The following GPC5 variants were observed in gnomAD, a reference collection of about 807,000 sequenced individuals.
The protein encoded by GPC5 is glypican 5.
In GPC5, 47 loss-of-function variants were observed where a neutral mutation model predicts 53.9. The observed-to-expected ratio is 0.87, with a 90% CI of 0.69 to 1.11. GPC5 has a LOEUF of 1.11. GPC5 is among the 50% of genes most tolerant of loss of function. GPC5 has a pLI of 0.00. For missense variants in GPC5, 748 were observed against 713.1 expected, an observed-to-expected ratio of 1.05 and a Z score of -0.56; for synonymous variants, 286 against 263.3, an observed-to-expected ratio of 1.09 and a Z score of -0.84.
intron 7 of GPC5, among the ~76,000 whole-genome samples, chr13:92,164,393 A>G (rs1167221781): frequency 3.3e-5 from 5 of 152,178 alleles, no homozygotes; most frequent in Non-Finnish European, 7.4e-5. Flanking sequence ...ATTGGCCAAA[A>G]TGAAGGGGCT....
At chr13:92,106,844 C>A (rs918829125) in intron 6 of GPC5, among the ~76,000 whole-genome samples, 5 of 151,956 alleles carry the variant, frequency 3.3e-5, no homozygotes, top group African/African-American at 1.2e-4. Context: ...ATATTGAATG[C>A]CTGCATAAAA....
At chr13:91,578,080 T>C (rs2032205505) in intron 2 of GPC5, among the ~76,000 whole-genome samples, 1 of 152,180 alleles carries the variant, frequency 6.6e-6, no homozygotes, top group Non-Finnish European at 1.5e-5. Context: ...GTAAGGATGC[T>C]CAAGCAGTGA....
chr13:92,659,673 G>T (rs1173628871), intron 7 of GPC5, among the ~76,000 whole-genome samples: 1 of 152,114 alleles, frequency 6.6e-6, no homozygotes, highest in African/African-American at 2.4e-5. Flanking sequence ...CATTTTTGGT[G>T]CAATTACTTC....
chr13:92,084,689 A>T, intron 6 of GPC5, among the ~76,000 whole-genome samples: 1 of 152,186 alleles, frequency 6.6e-6, no homozygotes, highest in Non-Finnish European at 1.5e-5. Flanking sequence ...TGTTGTCAGG[A>T]TTAATATAAT....
At chr13:91,742,930 TA>T (rs1201777819) in intron 4 of GPC5, among the ~76,000 whole-genome samples, 1 of 152,154 alleles carries the variant, frequency 6.6e-6, no homozygotes, top group East Asian at 1.9e-4. Context: ...TAGACATGGC[TA>T]GAAATTGGAC....
At chr13:91,937,966 G>A (rs879393848) in intron 6 of GPC5, among the ~76,000 whole-genome samples, 1 of 151,988 alleles carries the variant, frequency 6.6e-6, no homozygotes, top group Non-Finnish European at 1.5e-5. Flanking sequence ...TCCCCTATAT[G>A]TATTTGAATA....
At chr13:92,296,679 G>A (rs966873516) in intron 7 of GPC5, among the ~76,000 whole-genome samples, 10 of 152,172 alleles carry the variant, frequency 6.6e-5, no homozygotes, top group African/African-American at 1.9e-4. Flanking sequence ...AGGCGCGAGC[G>A]GGAACCGGGG....
At chr13:92,337,876 A>T (rs2043335814) in intron 7 of GPC5, among the ~76,000 whole-genome samples, 2 of 152,154 alleles carry the variant, frequency 1.3e-5, no homozygotes. Flanking sequence ...GCTTAGGTAA[A>T]ATTCTAGCTG....
intron 2 of GPC5, among the ~76,000 whole-genome samples, chr13:91,479,369 T>C (rs1883182764): frequency 6.6e-6 from 1 of 152,196 alleles, no homozygotes; most frequent in Non-Finnish European, 1.5e-5. Context: ...TGCATGTTTG[T>C]GGAGCATAAT....
intron 5 of GPC5, among the ~76,000 whole-genome samples, chr13:91,855,860 G>A (rs1362316996): frequency 1.3e-5 from 2 of 151,452 alleles, no homozygotes; most frequent in African/African-American, 4.8e-5. Flanking sequence ...TGCATAGATT[G>A]TAGATATATA....
intron 7 of GPC5, among the ~76,000 whole-genome samples, chr13:92,694,204 T>A (rs973180373): frequency 2.6e-5 from 4 of 152,182 alleles, no homozygotes; most frequent in Non-Finnish European, 2.9e-5. Context: ...GGCAGGGCCC[T>A]CATGGAGAAC....
chr13:91,736,971 A>T (rs1969917), intron 4 of GPC5, among the ~76,000 whole-genome samples: 105,881 of 149,356 alleles, frequency 0.71, 38,742 homozygotes, highest in Middle Eastern at 0.78. Context: ...TATTATTATT[A>T]TTTTTGATGG....
intron 2 of GPC5, among the ~76,000 whole-genome samples, chr13:91,587,886 T>C (rs2032657327): frequency 6.6e-6 from 1 of 152,188 alleles, no homozygotes; most frequent in Admixed American, 6.5e-5. Context: ...GATCATTGTT[T>C]ATCAAATGTC....
intron 6 of GPC5, among the ~76,000 whole-genome samples, chr13:92,068,583 T>G (rs1038441072): frequency 7.9e-5 from 12 of 151,680 alleles, no homozygotes; most frequent in African/African-American, 2.6e-4. Flanking sequence ...CCATATTTCC[T>G]TATTAATTAT....
chr13:92,710,484 CATA>C (rs1247115420), intron 7 of GPC5, among the ~76,000 whole-genome samples: 2 of 152,098 alleles, frequency 1.3e-5, no homozygotes, highest in Admixed American at 6.5e-5. Flanking sequence ...AAATGTAAAA[CATA>C]GTAGAGAATA....
At chr13:91,976,458 G>T (rs2040302991) in intron 6 of GPC5, among the ~76,000 whole-genome samples, 1 of 152,168 alleles carries the variant, frequency 6.6e-6, no homozygotes. Flanking sequence ...GGAGATGGGA[G>T]ATCAGCCTCA....
At chr13:91,764,390 G>A (rs977298771) in intron 5 of GPC5, among the ~76,000 whole-genome samples, 1 of 152,128 alleles carries the variant, frequency 6.6e-6, no homozygotes, top group Non-Finnish European at 1.5e-5. Flanking sequence ...TGTTAAGCGT[G>A]TGTAATCATT....
intron 7 of GPC5, among the ~76,000 whole-genome samples, chr13:92,416,815 C>T (rs1876320221): frequency 1.3e-5 from 2 of 152,034 alleles, no homozygotes; most frequent in Admixed American, 6.5e-5. Context: ...TTTCTAAAAC[C>T]TGTATCTGAT....
At chr13:92,785,544 T>C (rs1253838941) in intron 7 of GPC5, among the ~76,000 whole-genome samples, 3 of 152,186 alleles carry the variant, frequency 2.0e-5, no homozygotes, top group African/African-American at 7.2e-5. Context: ...ACTACCACGG[T>C]AGAGTGGAAC....
Sources: gnomAD v4.1 joint callset for allele counts (sites outside exome capture counted in the v4.1 genomes callset) on GRCh38, gnomAD v4.1.1 for gene constraint, MANE v1.5 for transcripts, NCBI Gene and HGNC (gene_info 2026-07-23, HGNC 2026-07-21) for gene names.